The following KCNC4 variants were observed in gnomAD, a reference collection of about 807,000 sequenced individuals.
The protein encoded by KCNC4 is potassium voltage-gated channel subfamily C member 4.
Under a neutral mutation model 42.8 loss-of-function variants are expected in KCNC4, and 23 were observed. The ratio of observed to expected loss-of-function variants is 0.54; its 90% CI spans 0.39 to 0.76. The LOEUF is 0.76. Among genes scored for constraint, KCNC4 ranks in the 30% least tolerant of loss-of-function variants. The pLI is 0.00. For synonymous variants in KCNC4, 422 were observed against 393.5 expected (o/e 1.07, Z -0.86); for missense variants, 751 against 898.2 (o/e 0.84, Z 2.10).
Position 110,212,075 on chromosome 1 carries a change from C to G in KCNC4, c.576C>G (p.His192Gln). The G allele has an allele frequency of 6.5e-7, 1 of 1,540,168 alleles. No homozygotes were observed. The highest frequency in any genetic ancestry group is 8.7e-7 in the Non-Finnish European group (1 of 1,151,332). The change falls in exon 1 of 4, where the codon CAC becomes CAG. Residue 192 changes from histidine (H) to glutamine (Q), a missense_variant. Transcript: ENST00000438661. ...TGGCCCTGCAGCGACTGGGCCCCCA[C>G]GAGGGAGGCGCGGGCCATGGCGCCG... ...RELALQRLGP[H>Q]EGGAGHGAGS...
At chr1:110,259,853 TTTTAA>T (rs1659394649) in intron 1 of KCNC4, among the ~76,000 whole-genome samples, 1 of 152,210 alleles carries the variant, frequency 6.6e-6, no homozygotes. Flanking sequence ...CCAAATACAA[TTTTAA>T]GTGATGCCTA....
chr1:110,276,472 T>C (rs955902891), intron 1 of KCNC4, among the ~76,000 whole-genome samples: 2 of 152,124 alleles, frequency 1.3e-5, no homozygotes, highest in Non-Finnish European at 2.9e-5. Flanking sequence ...GAGGGAGCCC[T>C]GCCTAGTCCT....
At chr1:110,264,739 C>A (rs1162492952) in intron 1 of KCNC4, among the ~76,000 whole-genome samples, 1 of 152,104 alleles carries the variant, frequency 6.6e-6, no homozygotes, top group Non-Finnish European at 1.5e-5. Context: ...TTTATTTAGA[C>A]CCCTAAGAGG....
downstream of KCNC4, chr1:110,236,694 C>T (rs1658915190): frequency 6.6e-6 from 1 of 152,144 alleles, no homozygotes; most frequent in Non-Finnish European, 1.5e-5. Context: ...GAGTTTTATT[C>T]TCTGACGCAC....
chr1:110,222,628 C>A, intron 1 of KCNC4: 1 of 264,276 alleles, frequency 3.8e-6, no homozygotes. Flanking sequence ...AACAAGATTC[C>A]CATTGCAGCT....
chr1:110,217,681 T>C (rs1269133298), intron 1 of KCNC4, among the ~76,000 whole-genome samples: 1 of 151,508 alleles, frequency 6.6e-6, no homozygotes, highest in African/African-American at 2.4e-5. Flanking sequence ...TAGGTAGAGG[T>C]GGGTTCTGGA....
At chr1:110,212,438 C>T (rs534759719) in intron 1 of KCNC4, among the ~76,000 whole-genome samples, 2 of 152,274 alleles carry the variant, frequency 1.3e-5, no homozygotes, top group East Asian at 1.9e-4. Flanking sequence ...TTGCCGCATC[C>T]CCTCCAGTGA....
chr1:110,229,936 A>C (rs1372110195), intron 3 of KCNC4, among the ~76,000 whole-genome samples: 1 of 152,202 alleles, frequency 6.6e-6, no homozygotes, highest in African/African-American at 2.4e-5. Flanking sequence ...TGACTAAGTA[A>C]GGTCCAGATC....
intron 1 of KCNC4, among the ~76,000 whole-genome samples, chr1:110,216,232 A>G (rs1657785354): frequency 6.6e-6 from 1 of 152,184 alleles, no homozygotes; most frequent in Non-Finnish European, 1.5e-5. Flanking sequence ...ACAGGCTTTA[A>G]AGTGAGGGCC....
intron 1 of KCNC4, among the ~76,000 whole-genome samples, chr1:110,219,182 G>A (rs545259644): frequency 8.9e-4 from 136 of 152,292 alleles, no homozygotes; most frequent in Non-Finnish European, 1.6e-3. Context: ...CTCAGTCTCC[G>A]TTTTTCACTT....
At chr1:110,214,155 A>G (rs1162804154) in intron 1 of KCNC4, among the ~76,000 whole-genome samples, 1 of 152,208 alleles carries the variant, frequency 6.6e-6, no homozygotes, top group East Asian at 1.9e-4. Context: ...CCCCTTTGAC[A>G]TGGAATCACA....
intron 1 of KCNC4, among the ~76,000 whole-genome samples, chr1:110,259,158 TG>T (rs1659385039): frequency 6.6e-6 from 1 of 152,182 alleles, no homozygotes. Flanking sequence ...AGCCAAAGGC[TG>T]GGCCCAGGCA....
At position 110,233,121 on chromosome 1, in the gene KCNC4, CG is replaced by C; in HGVS notation, c.*153del. 1 of 970,002 alleles carries C rather than the reference CG, an allele frequency of 1.0e-6. No homozygotes were observed. 60.1% of individuals were successfully genotyped at this position (970,002 alleles called of 1,614,324 possible). ...GGTGGAAAATCTCCCATGCGACCCTCGGGGCCCAGAGCCATCTGGGTCTGAT... is the reference window on the plus strand; with the variant it reads ...GGTGGAAAATCTCCCATGCGACCCTCGGGCCCAGAGCCATCTGGGTCTGAT... On this transcript the variant is annotated 3_prime_UTR_variant, in exon 4 of 4. Coordinates refer to ENST00000438661, the MANE Select transcript of KCNC4 (RefSeq NM_001039574.3).
intron 3 of KCNC4, among the ~76,000 whole-genome samples, chr1:110,231,081 G>C (rs1045884845): frequency 4.6e-5 from 7 of 152,246 alleles, no homozygotes; most frequent in African/African-American, 1.4e-4. Flanking sequence ...GAGGCAGTCT[G>C]GGTAGGAGTT....
exon 4 of KCNC4, chr1:110,239,761 A>G (rs1317748883): frequency 1.3e-5 from 2 of 152,284 alleles, no homozygotes; most frequent in East Asian, 1.9e-4. Flanking sequence ...CTGCCTGAGA[A>G]ACTGTCAGAA....
chr1:110,269,179 A>G (rs1570583408), intron 1 of KCNC4, among the ~76,000 whole-genome samples: 1 of 152,002 alleles, frequency 6.6e-6, no homozygotes, highest in South Asian at 2.1e-4. Flanking sequence ...TGTTTTTTTC[A>G]TTCAGGTTTA....
chr1:110,220,504 G>C, intron 1 of KCNC4: 1 of 116,914 alleles, frequency 8.6e-6, no homozygotes, highest in East Asian at 2.4e-4. Context: ...CACCCTCTTG[G>C]CAGCTCTTCC....
At chr1:110,273,147 G>C (rs1659663644) in intron 1 of KCNC4, among the ~76,000 whole-genome samples, 1 of 152,192 alleles carries the variant, frequency 6.6e-6, no homozygotes, top group Non-Finnish European at 1.5e-5. Flanking sequence ...AGCTGAAAGA[G>C]GGCATCTAGT....
Position 110,211,493 on chromosome 1 carries a change from G to A in KCNC4, c.-7G>A. 6.2e-7 allele frequency: 1 copy of A among 1,607,192 alleles called. No homozygotes were observed. The highest frequency in any genetic ancestry group is 8.5e-7 in the Non-Finnish European group (1 of 1,175,018). On this transcript the variant is annotated 5_prime_UTR_variant, in exon 1 of 4. Transcript: ENST00000438661. The surrounding 1 kb of genome is among the most constrained non-coding windows in gnomAD (Gnocchi z 6.5). ...CCGCCCCAAGCCGGAGCCCCGCAGC[G>A]CTTCTTATGATCAGCTCGGTGTGTG...
Sources: gnomAD v4.1 joint callset for allele counts (sites outside exome capture counted in the v4.1 genomes callset) on GRCh38, gnomAD v4.1.1 for gene constraint, Gnocchi (gnomAD v3.1) non-coding constraint, MANE v1.5 for transcripts, NCBI Gene and HGNC (gene_info 2026-07-23, HGNC 2026-07-21) for gene names.